CR1L: variants seen among roughly 807,000 people sequenced by gnomAD.
CR1L encodes complement C3b/C4b receptor 1 like, also known as complement component receptor 1-like protein.
Under a neutral mutation model 62.3 loss-of-function variants are expected in CR1L, and 59 were observed. That is an observed-to-expected ratio of 0.95 (90% CI 0.77 to 1.18). The LOEUF (loss-of-function observed/expected upper bound fraction) is 1.18. Among genes scored for constraint, CR1L ranks in the 50% most tolerant of loss-of-function variants. The probability of loss-of-function intolerance (pLI) is 0.00; values close to 1 mark genes in which losing one functional copy is unlikely to be tolerated. For missense variants in CR1L, 700 were observed against 702.8 expected, an observed-to-expected ratio of 1.00 and a Z score of 0.04; for synonymous variants, 279 against 248.7, an observed-to-expected ratio of 1.12 and a Z score of -1.15.
At chr1:207,687,438 C>T (rs1296447026) in intron 4 of CR1L, among the ~76,000 whole-genome samples, 1 of 152,164 alleles carries the variant, frequency 6.6e-6, no homozygotes, top group South Asian at 2.1e-4. Flanking sequence ...AAATTAAATG[C>T]ACCCATGTAA....
chr1:207,718,687 G>T (rs2985105), intron 11 of CR1L, among the ~76,000 whole-genome samples: 58,815 of 151,616 alleles, frequency 0.39, 12,042 homozygotes, highest in Admixed American at 0.51. Context: ...CTTTCCAAAG[G>T]TGTGGGATTA....
At chr1:207,654,266 A>G (rs1478959132) in intron 1 of CR1L, among the ~76,000 whole-genome samples, 1 of 152,204 alleles carries the variant, frequency 6.6e-6, no homozygotes, top group Admixed American at 6.5e-5. Flanking sequence ...CACTGTGACC[A>G]TGTAAGGCAG....
chr1:207,666,394 T>A (rs994156749), intron 1 of CR1L, among the ~76,000 whole-genome samples: 2 of 152,200 alleles, frequency 1.3e-5, no homozygotes, highest in African/African-American at 2.4e-5. Context: ...ACATGATACA[T>A]AAAGATATTA....
intron 1 of CR1L, chr1:207,669,639 C>A (rs1210118253): frequency 6.8e-5 from 64 of 938,122 alleles, no homozygotes; most frequent in African/African-American, 3.5e-5. Context: ...ACTCGCGTGC[C>A]GCGCTGGGCT....
At chr1:207,677,139 C>T (rs1289453421) in intron 1 of CR1L, among the ~76,000 whole-genome samples, 2 of 151,660 alleles carry the variant, frequency 1.3e-5, no homozygotes, top group African/African-American at 4.8e-5. Flanking sequence ...CTGGCCAACA[C>T]GGTGAAACCT....
intron 1 of CR1L, chr1:207,653,247 C>T (rs1254810268): frequency 2.6e-5 from 4 of 154,750 alleles, no homozygotes; most frequent in African/African-American, 4.8e-5. Context: ...TTTTGCTTCT[C>T]TTCTTAAGCT....
In CR1L at chr1:207,645,217, G is replaced by T. The variant is rs781521991; in HGVS notation, c.-17G>T. On this transcript the variant is annotated 5_prime_UTR_variant, in exon 1 of 12. Transcript: ENST00000508064. ...CTGCTCACCTCCGGATAAATCACGG[G>T]GTCTCCCGCGCCGCTCATGGCGCCT... The T allele has an allele frequency of 6.2e-7, 1 of 1,611,936 alleles. No individual in the cohort carries two copies.
intron 1 of CR1L, among the ~76,000 whole-genome samples, chr1:207,662,800 G>C (rs1030150203): frequency 6.6e-6 from 1 of 152,164 alleles, no homozygotes; most frequent in African/African-American, 2.4e-5. Context: ...GGTCTTTGAT[G>C]ATGGTGACAT....
In CR1L at chr1:207,652,610, A is replaced by G. The variant is rs1325218139; in HGVS notation, c.97+7280A>G. The G allele has an allele frequency of 2.7e-6, 4 of 1,499,610 alleles. No individual in the cohort carries two copies. In the East Asian group the frequency reaches 6.8e-5, roughly 25 times the overall value. 92.9% of individuals were successfully genotyped at this position (1,499,610 alleles called of 1,614,324 possible). ...CTCATTGGTAAACCAAAACCCTACT[A>G]TGAGATTGGGGAACAAGTAGATTAT... On this transcript the variant is annotated intron_variant, in intron 1 of 11. Transcript: ENST00000508064.
chr1:207,704,785 C>G (rs1664244502), intron 9 of CR1L, among the ~76,000 whole-genome samples: 1 of 152,092 alleles, frequency 6.6e-6, no homozygotes, highest in Non-Finnish European at 1.5e-5. Flanking sequence ...ACTTAATAGA[C>G]TATAGTATAT....
At chr1:207,700,310 G>T (rs1453920152) in intron 8 of CR1L, among the ~76,000 whole-genome samples, 2 of 152,128 alleles carry the variant, frequency 1.3e-5, no homozygotes, top group Non-Finnish European at 2.9e-5. Flanking sequence ...TGCTCCTTGA[G>T]GCAGCATGAC....
chr1:207,699,458 A>T (rs1212817455), intron 8 of CR1L, among the ~76,000 whole-genome samples, 184 bp downstream of exon 8: 1 of 152,152 alleles, frequency 6.6e-6, no homozygotes, highest in East Asian at 1.9e-4. Context: ...GAACTATCTG[A>T]TCTGTCTCTG....
rs149989237 is a variant in CR1L, at chr1:207,698,579, C to A, written c.1143-610C>A. On this transcript the variant is annotated intron_variant, in intron 7 of 11. Transcript: ENST00000508064. ...CAGAATCTTGGCAGGCTCCAAAAGCCAGCACCCAGTAAGAGTTAGGAGGGC... is the reference window on the plus strand; with the variant it reads ...CAGAATCTTGGCAGGCTCCAAAAGCAAGCACCCAGTAAGAGTTAGGAGGGC... Among the ~76,000 whole-genome samples, 294 of 152,304 alleles carry A rather than the reference C, an allele frequency of 1.9e-3. 2 individuals are homozygous for A. Among genetic ancestry groups the A allele is most frequent in the African/African-American group, 6.7e-3 (279 of 41,556 alleles).
intron 9 of CR1L, among the ~76,000 whole-genome samples, chr1:207,703,602 T>C (rs1227278711): frequency 1.3e-5 from 2 of 152,264 alleles, no homozygotes; most frequent in Non-Finnish European, 2.9e-5. Context: ...TTTTCCTGCC[T>C]GCTGACAACA....
chr1:207,689,744 TTTG>T (rs949605669), intron 4 of CR1L, among the ~76,000 whole-genome samples: 8 of 151,766 alleles, frequency 5.3e-5, no homozygotes, highest in Non-Finnish European at 7.4e-5. Context: ...GACCTGAGGG[TTTG>T]TTGTTGTTGT....
intron 1 of CR1L, 51 bp downstream of exon 1, chr1:207,645,381 T>A: frequency 6.3e-7 from 1 of 1,592,104 alleles, no homozygotes; most frequent in Non-Finnish European, 8.6e-7. Flanking sequence ...AGAGCTCTGC[T>A]CAGTCAGTCG....
intron 5 of CR1L, among the ~76,000 whole-genome samples, 166 bp from the exon 6 acceptor site, chr1:207,697,337 A>C (rs111340461): frequency 0.061 from 9,251 of 152,322 alleles, 623 homozygotes; most frequent in East Asian, 0.37. Context: ...TGATGGCAAG[A>C]CATCTTCCTC....
chr1:207,646,519 T>C (rs1663128316), intron 1 of CR1L, among the ~76,000 whole-genome samples: 1 of 152,028 alleles, frequency 6.6e-6, no homozygotes, highest in South Asian at 2.1e-4. Context: ...AAGATCAGCC[T>C]GGACAACATG....
At chr1:207,659,949 G>T (rs1298973769) in intron 1 of CR1L, among the ~76,000 whole-genome samples, 1 of 152,216 alleles carries the variant, frequency 6.6e-6, no homozygotes, top group Non-Finnish European at 1.5e-5. Context: ...TTGGCTGGGG[G>T]AGGAGCGTCC....
Sources: gnomAD v4.1 joint callset for allele counts (sites outside exome capture counted in the v4.1 genomes callset) on GRCh38, gnomAD v4.1.1 for gene constraint, MANE v1.5 for transcripts, NCBI Gene and HGNC (gene_info 2026-07-23, HGNC 2026-07-21) for gene names.